The following GALNT13 variants were observed in gnomAD, a reference collection of about 807,000 sequenced individuals.
The protein encoded by GALNT13 is polypeptide N-acetylgalactosaminyltransferase 13, also known as UDP-GalNAc:polypeptide N-acetylgalactosaminyltransferase 13.
Under a neutral mutation model 64.2 loss-of-function variants are expected in GALNT13, and 28 were observed. That is an observed-to-expected ratio of 0.44 (90% confidence interval 0.32 to 0.60). The LOEUF is 0.60. GALNT13 is among the 20% of genes least tolerant of loss of function. The pLI is 0.05. For synonymous variants in GALNT13, 214 were observed against 224.6 expected (o/e 0.95, Z 0.42); for missense variants, 577 against 669.8 (o/e 0.86, Z 1.53).
At chr2:153,121,897 A>G in the GALNT13 span, among the ~76,000 whole-genome samples, 123 of 152,200 alleles carry the variant, frequency 8.1e-4, no homozygotes, top group Admixed American at 7.5e-3. Flanking sequence ...CTTAACCACT[A>G]TCTTATTTTG....
chr2:154,358,843 A>C (rs1696900177), intron 9 of GALNT13, among the ~76,000 whole-genome samples: 1 of 152,138 alleles, frequency 6.6e-6, no homozygotes, highest in Non-Finnish European at 1.5e-5. Context: ...TGTGACTTGC[A>C]TTCATAGTAC....
chr2:153,436,368 T>C, the GALNT13 span, among the ~76,000 whole-genome samples: 1 of 152,180 alleles, frequency 6.6e-6, no homozygotes, highest in Admixed American at 6.5e-5. Flanking sequence ...GGATTCCCTC[T>C]TTTTCTATTG....
chr2:153,308,673 T>C, the GALNT13 span, among the ~76,000 whole-genome samples: 1 of 152,208 alleles, frequency 6.6e-6, no homozygotes, highest in Non-Finnish European at 1.5e-5. Context: ...AGCTTGCAGA[T>C]GCCTGGCTCT....
At chr2:153,349,398 A>T in the GALNT13 span, among the ~76,000 whole-genome samples, 189 of 152,322 alleles carry the variant, frequency 1.2e-3, 2 homozygotes, top group East Asian at 9.6e-4. Context: ...TGGTGTTATT[A>T]AGACAATATG....
the GALNT13 span, among the ~76,000 whole-genome samples, chr2:153,844,994 G>A: frequency 2.6e-5 from 4 of 152,092 alleles, no homozygotes; most frequent in African/African-American, 9.7e-5. Context: ...CAATGTTATT[G>A]TCAGCATTTT....
intron 3 of GALNT13, among the ~76,000 whole-genome samples, chr2:154,120,571 C>T (rs1681884114): frequency 6.6e-6 from 1 of 152,066 alleles, no homozygotes; most frequent in African/African-American, 2.4e-5. Context: ...GTAGAAGTCT[C>T]CCTGGCTCAG....
At chr2:153,327,289 T>C in the GALNT13 span, among the ~76,000 whole-genome samples, 59 of 152,190 alleles carry the variant, frequency 3.9e-4, 1 homozygote, top group East Asian at 0.01. Flanking sequence ...TTGGGGTTGC[T>C]CTTCTCAAGG....
chr2:153,169,529 G>C, the GALNT13 span, among the ~76,000 whole-genome samples: 1 of 152,182 alleles, frequency 6.6e-6, no homozygotes, highest in Non-Finnish European at 1.5e-5. Context: ...AGAAGGCTAA[G>C]CTGTATTAAG....
chr2:153,533,055 C>G, the GALNT13 span, among the ~76,000 whole-genome samples: 1 of 152,102 alleles, frequency 6.6e-6, no homozygotes, highest in Non-Finnish European at 1.5e-5. Context: ...ATTCGATTCT[C>G]TTTTTGCTTG....
chr2:153,434,422 T>C, the GALNT13 span, among the ~76,000 whole-genome samples: 1 of 152,238 alleles, frequency 6.6e-6, no homozygotes. Context: ...TCCACAATGG[T>C]TGAACTAGTT....
At chr2:153,643,623 T>C in the GALNT13 span, among the ~76,000 whole-genome samples, 8 of 151,898 alleles carry the variant, frequency 5.3e-5, no homozygotes, top group African/African-American at 4.8e-5. Flanking sequence ...TTCTGAGATA[T>C]TAACATCATC....
At chr2:153,348,686 CTGTG>C in the GALNT13 span, among the ~76,000 whole-genome samples, 1 of 152,204 alleles carries the variant, frequency 6.6e-6, no homozygotes, top group South Asian at 2.1e-4. Flanking sequence ...TGGATGGAGT[CTGTG>C]TGTTTTGAGA....
At chr2:153,323,773 A>C in the GALNT13 span, among the ~76,000 whole-genome samples, 4 of 152,258 alleles carry the variant, frequency 2.6e-5, no homozygotes, top group Non-Finnish European at 2.9e-5. Context: ...TGTTTTTGTC[A>C]GGTTTGTCAA....
the GALNT13 span, among the ~76,000 whole-genome samples, chr2:153,682,395 C>G: frequency 5.3e-5 from 8 of 151,686 alleles, no homozygotes; most frequent in Non-Finnish European, 1.2e-4. Context: ...TACACAGATT[C>G]CTAAATCAAT....
intron 3 of GALNT13, among the ~76,000 whole-genome samples, chr2:154,132,984 C>T (rs1178857940): frequency 6.6e-6 from 1 of 151,824 alleles, no homozygotes; most frequent in Non-Finnish European, 1.5e-5. Flanking sequence ...ATTTGTGAGT[C>T]ATAAGTTACA....
At chr2:153,581,361 C>T in the GALNT13 span, among the ~76,000 whole-genome samples, 2 of 151,836 alleles carry the variant, frequency 1.3e-5, no homozygotes, top group Non-Finnish European at 2.9e-5. Flanking sequence ...TCTCATGTTT[C>T]TTTTTTTCCC....
chr2:153,872,745 C>A (rs138872443), intron 1 of GALNT13, among the ~76,000 whole-genome samples: 50 of 151,840 alleles, frequency 3.3e-4, no homozygotes, highest in African/African-American at 1.1e-3. Flanking sequence ...GGCTGCGTTG[C>A]GGGCGTTTCT....
chr2:153,721,408 G>A, the GALNT13 span, among the ~76,000 whole-genome samples: 78 of 140,136 alleles, frequency 5.6e-4, no homozygotes, highest in African/African-American at 2.0e-3. Context: ...ATCAACTAAC[G>A]AGCAAAATCA....
the GALNT13 span, among the ~76,000 whole-genome samples, chr2:153,645,839 A>T: frequency 1.3e-5 from 2 of 152,096 alleles, no homozygotes; most frequent in Non-Finnish European, 2.9e-5. Context: ...GAAGTAGTGA[A>T]AAGAGGGTTA....
Sources: gnomAD v4.1 joint callset for allele counts (sites outside exome capture counted in the v4.1 genomes callset) on GRCh38, gnomAD v4.1.1 for gene constraint, MANE v1.5 for transcripts, NCBI Gene and HGNC (gene_info 2026-07-23, HGNC 2026-07-21) for gene names.